PAX5: variants seen among roughly 807,000 people sequenced by gnomAD.
PAX5 encodes the protein paired box 5, also known as paired box protein Pax-5.
Under a neutral mutation model 43.7 loss-of-function variants are expected in PAX5, and 9 were observed. The observed-to-expected ratio is 0.21, with a 90% CI of 0.12 to 0.36. The LOEUF (loss-of-function observed/expected upper bound fraction) is 0.36, where lower values mean the gene tolerates loss of function less well. PAX5 is among the 10% of genes least tolerant of loss of function. The pLI is 1.00. For missense variants in PAX5, 383 were observed against 532.7 expected (o/e 0.72, Z 2.77); for synonymous variants, 228 against 214.3 (o/e 1.06, Z -0.56).
chr9:36,969,623 C>T (rs1834768527), intron 5 of PAX5, among the ~76,000 whole-genome samples: 1 of 152,266 alleles, frequency 6.6e-6, no homozygotes, highest in African/African-American at 2.4e-5. Flanking sequence ...TCCCCAGAAG[C>T]AGACTGGCTG....
chr9:37,030,916 C>T lies in PAX5; in HGVS notation c.46+3070G>A, dbSNP rs184306145. On this transcript the variant is annotated intron_variant, in intron 1 of 9. Transcript: ENST00000358127. The stretch of plus-strand genomic sequence containing the variant: ...TAGGGCTCAGACTGGTTGCTCAGTT[C>T]TGGAAAGATCAGGGATGCTGCCAGC... Among the ~76,000 whole-genome samples the T allele has an allele frequency of 5.9e-5, 9 of 152,356 alleles. No individual in the cohort carries two copies. The East Asian group carries it at 1.2e-3, about 20-fold the overall frequency.
At chr9:36,879,708 C>G (rs9298972) in intron 8 of PAX5, among the ~76,000 whole-genome samples, 4,907 of 152,310 alleles carry the variant, frequency 0.032, 246 homozygotes, top group African/African-American at 0.11. Context: ...ACCCTGCCCC[C>G]CTTGCAGGAC....
chr9:37,000,852 C>T (rs901526466), intron 5 of PAX5, among the ~76,000 whole-genome samples: 3 of 152,230 alleles, frequency 2.0e-5, no homozygotes, highest in African/African-American at 4.8e-5. Flanking sequence ...GATCTCATTC[C>T]TTCCTCCTTC....
At chr9:36,865,240 G>A (rs1401576205) in intron 8 of PAX5, among the ~76,000 whole-genome samples, 10 of 152,116 alleles carry the variant, frequency 6.6e-5, no homozygotes, top group East Asian at 5.8e-4. Context: ...GGGTGAGCCC[G>A]GCCAGAGCAT....
At chr9:36,865,745 C>T (rs536384695) in intron 8 of PAX5, among the ~76,000 whole-genome samples, 1 of 152,352 alleles carries the variant, frequency 6.6e-6, no homozygotes, top group Admixed American at 6.5e-5. Flanking sequence ...GTCAAAATCA[C>T]AATTTGCCCC....
intron 7 of PAX5, among the ~76,000 whole-genome samples, chr9:36,922,521 C>A (rs1202060780): frequency 6.6e-6 from 1 of 152,210 alleles, no homozygotes; most frequent in Admixed American, 6.5e-5. Context: ...GTCTCCCCGT[C>A]CTGGCCCACG....
Position 37,023,578 on chromosome 9 carries a change from C to T in PAX5, c.47-2777G>A, listed in dbSNP as rs114992386. ...GGAGAGAAAGACTGAATTGCAGAGG[C>T]CCCTGAGGCCTTTGTGACTCTGGTA... On this transcript the variant is annotated intron_variant, in intron 1 of 9. Coordinates refer to ENST00000358127, the MANE Select transcript of PAX5 (RefSeq NM_016734.3). Among the ~76,000 whole-genome samples the T allele has an allele frequency of 8.1e-3, 1,230 of 152,252 alleles. 14 individuals are homozygous for T. The highest frequency in any genetic ancestry group is 0.028 in the African/African-American group (1,183 of 41,538).
At chr9:36,941,121 GC>G (rs1405023711) in intron 6 of PAX5, among the ~76,000 whole-genome samples, 5 of 152,208 alleles carry the variant, frequency 3.3e-5, no homozygotes, top group Non-Finnish European at 1.5e-5. Context: ...CAAGGGCGTG[GC>G]CTGCACAGCC....
intron 8 of PAX5, among the ~76,000 whole-genome samples, chr9:36,854,955 G>T (rs917414719): frequency 6.6e-6 from 1 of 152,242 alleles, no homozygotes; most frequent in Non-Finnish European, 1.5e-5. Flanking sequence ...GCCTGGCGTG[G>T]AGGCCAGGAC....
intron 1 of PAX5, among the ~76,000 whole-genome samples, chr9:37,023,425 G>A (rs12337515): frequency 2.0e-5 from 3 of 152,270 alleles, no homozygotes; most frequent in African/African-American, 4.8e-5. Flanking sequence ...GACTCATCCC[G>A]TGAAAGGGGG....
chr9:36,928,404 A>C (rs994318870), intron 6 of PAX5, among the ~76,000 whole-genome samples: 10 of 152,272 alleles, frequency 6.6e-5, no homozygotes, highest in Admixed American at 2.0e-4. Context: ...CCTACAAAGA[A>C]ACAATCTCTC....
Position 36,835,943 on chromosome 9 carries a change from T to A in PAX5, c.*4617A>T, listed in dbSNP as rs1313310409. ...GACTCCCCTCCTGGGAAGCTGTATT[T>A]CAGACTCATCGTGTTTCTAGGGCTG... is the stretch of plus-strand genomic sequence containing the variant. On this transcript the variant is annotated 3_prime_UTR_variant, in exon 10 of 10. Coordinates refer to ENST00000358127, the MANE Select transcript of PAX5 (RefSeq NM_016734.3). 8.6e-6 allele frequency: 2 copies of A among 233,344 alleles called. No individual in the cohort carries two copies. Among genetic ancestry groups the A allele is most frequent in the African/African-American group, 4.4e-5 (2 of 45,362 alleles). 14.5% of individuals were successfully genotyped at this position (233,344 alleles called of 1,614,324 possible).
At chr9:36,895,143 G>A (rs1305100053) in intron 7 of PAX5, among the ~76,000 whole-genome samples, 1 of 152,224 alleles carries the variant, frequency 6.6e-6, no homozygotes, top group African/African-American at 2.4e-5. Flanking sequence ...CAGCTCCGGG[G>A]TCCGAATAAA....
intron 5 of PAX5, among the ~76,000 whole-genome samples, chr9:36,972,429 C>T (rs1834992424): frequency 6.6e-6 from 1 of 152,222 alleles, no homozygotes; most frequent in Non-Finnish European, 1.5e-5. Flanking sequence ...CTGAGTTGGT[C>T]ATTTCTAACC....
At chr9:37,003,864 C>T (rs1564066438) in intron 4 of PAX5, among the ~76,000 whole-genome samples, 1 of 152,190 alleles carries the variant, frequency 6.6e-6, no homozygotes, top group African/African-American at 2.4e-5. Flanking sequence ...ATAAAAGAGA[C>T]AGAGTGGTGA....
intron 7 of PAX5, among the ~76,000 whole-genome samples, chr9:36,917,546 T>A (rs983301764): frequency 6.6e-6 from 1 of 152,258 alleles, no homozygotes; most frequent in African/African-American, 2.4e-5. Context: ...ACTAAACATG[T>A]CTGTGGGCTA....
intron 9 of PAX5, among the ~76,000 whole-genome samples, chr9:36,842,781 C>T (rs1172545386): frequency 6.6e-6 from 1 of 152,142 alleles, no homozygotes. Flanking sequence ...CTGCCGGGAC[C>T]GCAGCCCCCT....
rs61173333 is a variant in PAX5, at chr9:36,919,839, CAAAAAAAAAAAA to C, written c.910+3504_910+3515del. ...TGGGCAACAGAGTGAGACTCTGTCT[CAAAAAAAAAAAA>C]AAAAAAAAAAAAAAAAGAATATACG... On this transcript the variant is annotated intron_variant, in intron 7 of 9. Transcript: ENST00000358127. 5.1e-4 allele frequency among the ~76,000 whole-genome samples: 34 copies of C among 66,218 alleles called. No homozygotes were observed. In the East Asian group the frequency reaches 9.0e-3, roughly 18 times the overall value. 43.4% of individuals were successfully genotyped at this position (66,218 alleles called of 152,430 possible). A position where few individuals can be genotyped will look rare whatever the true frequency, so the allele number is the denominator to read the frequency against.
intron 5 of PAX5, among the ~76,000 whole-genome samples, chr9:36,974,197 AT>A (rs974585413): frequency 6.6e-6 from 1 of 152,026 alleles, no homozygotes; most frequent in Non-Finnish European, 1.5e-5. Context: ...AAACCAAATA[AT>A]TTTTTAAAAG....
Sources: gnomAD v4.1 joint callset for allele counts (sites outside exome capture counted in the v4.1 genomes callset) on GRCh38, gnomAD v4.1.1 for gene constraint, MANE v1.5 for transcripts, NCBI Gene and HGNC (gene_info 2026-07-23, HGNC 2026-07-21) for gene names.